Variants in PLD5 observed in about 807,000 individuals in gnomAD.
PLD5 encodes the protein phospholipase D family member 5.
PLD5 carries 36 observed loss-of-function variants against 61.1 expected under a neutral mutation model. The ratio of observed to expected loss-of-function variants is 0.59; its 90% confidence interval spans 0.45 to 0.78. PLD5 has a LOEUF of 0.78. Ranked by LOEUF, PLD5 falls within the 30% of genes least tolerant of loss-of-function variation. The probability of loss-of-function intolerance (pLI) is 0.00; values close to 1 mark genes in which losing one functional copy is unlikely to be tolerated. For missense variants in PLD5, 515 were observed against 644.4 expected (o/e 0.80, Z 2.17); for synonymous variants, 243 against 242.8 (o/e 1.00, Z -0.01).
intron 1 of PLD5, among the ~76,000 whole-genome samples, chr1:242,435,745 A>G (rs185343370): frequency 3.3e-5 from 5 of 152,354 alleles, no homozygotes; most frequent in Admixed American, 6.5e-5. Context: ...TTCAGTGATC[A>G]TAGTGACTTT....
At chr1:242,211,506 A>C (rs1008175093) in intron 5 of PLD5, among the ~76,000 whole-genome samples, 4 of 152,164 alleles carry the variant, frequency 2.6e-5, no homozygotes, top group African/African-American at 9.7e-5. Flanking sequence ...TTGTCAATTA[A>C]ATCTGTACTA....
At chr1:242,240,887 G>A (rs1272900099) in intron 4 of PLD5, among the ~76,000 whole-genome samples, 1 of 152,078 alleles carries the variant, frequency 6.6e-6, no homozygotes, top group East Asian at 1.9e-4. Flanking sequence ...ACTCTATAAA[G>A]TTCTAGCTCA....
chr1:242,241,137 C>T (rs557317307), intron 4 of PLD5, among the ~76,000 whole-genome samples: 1 of 152,206 alleles, frequency 6.6e-6, no homozygotes, highest in East Asian at 1.9e-4. Flanking sequence ...TTGTACTAAA[C>T]CGTTCTACAG....
intron 5 of PLD5, among the ~76,000 whole-genome samples, chr1:242,143,470 A>G (rs2636256): frequency 0.6 from 91,238 of 152,128 alleles, 28,148 homozygotes; most frequent in African/African-American, 0.74. Flanking sequence ...ATATGAAATC[A>G]CCTCATGGAA....
chr1:242,176,853 T>C (rs1348511860), intron 5 of PLD5, among the ~76,000 whole-genome samples: 1 of 152,168 alleles, frequency 6.6e-6, no homozygotes, highest in Non-Finnish European at 1.5e-5. Context: ...ATCAAATAAA[T>C]GCAAATCAAA....
Position 242,360,606 on chromosome 1 carries a change from C to T in PLD5, c.190-12364G>A, listed in dbSNP as rs537037213. ...TATATTCCATCTGCCTATCTAACAACGATAAAATTGTATCATGCTGTAATT... is the reference window on the plus strand; with the variant it reads ...TATATTCCATCTGCCTATCTAACAATGATAAAATTGTATCATGCTGTAATT... On this transcript the variant is annotated intron_variant, in intron 1 of 9. Transcript: ENST00000536534. Among the ~76,000 whole-genome samples the T allele has an allele frequency of 2.2e-4, 34 of 152,132 alleles. No individual in the cohort carries two copies. The East Asian group carries it at 5.2e-3, about 23-fold the overall frequency.
chr1:242,201,371 C>T (rs1668978230), intron 5 of PLD5, among the ~76,000 whole-genome samples: 1 of 151,918 alleles, frequency 6.6e-6, no homozygotes, highest in Admixed American at 6.5e-5. Flanking sequence ...CAATTTTTTC[C>T]AATTAAAAAT....
intron 1 of PLD5, among the ~76,000 whole-genome samples, chr1:242,455,178 G>A (rs1182523974): frequency 6.6e-6 from 1 of 152,132 alleles, no homozygotes; most frequent in Non-Finnish European, 1.5e-5. Flanking sequence ...TGACTGTTAT[G>A]TTTATTCTCT....
chr1:242,404,576 C>T (rs781062717), intron 1 of PLD5, among the ~76,000 whole-genome samples: 34 of 152,270 alleles, frequency 2.2e-4, no homozygotes, highest in Admixed American at 1.5e-3. Context: ...CTCTTCCAAA[C>T]GTGACTTCTC....
chr1:242,168,846 G>GCTTTTTTTT (rs1666518232), intron 5 of PLD5, among the ~76,000 whole-genome samples: 1 of 111,266 alleles, frequency 9.0e-6, no homozygotes, highest in African/African-American at 3.7e-5. Context: ...AATTAATGAA[G>GCTTTTTTTT]TTTTTTTTTT....
intron 4 of PLD5, among the ~76,000 whole-genome samples, chr1:242,265,000 A>T (rs1043836101): frequency 2.6e-5 from 4 of 152,198 alleles, no homozygotes; most frequent in African/African-American, 9.6e-5. Flanking sequence ...TGAAAAGTAG[A>T]GATCCAGTGT....
At chr1:242,268,843 TTTTTAA>T (rs1673874444) in intron 3 of PLD5, among the ~76,000 whole-genome samples, 1 of 152,206 alleles carries the variant, frequency 6.6e-6, no homozygotes, top group Admixed American at 6.5e-5. Context: ...TCACTCATTT[TTTTTAA>T]TTTTAACTTT....
intron 5 of PLD5, among the ~76,000 whole-genome samples, chr1:242,158,942 T>C (rs919429980): frequency 2.6e-5 from 4 of 152,216 alleles, no homozygotes; most frequent in Non-Finnish European, 2.9e-5. Context: ...CTTTCTCATA[T>C]GTTTTAAATC....
At chr1:242,420,322 A>G (rs1665069366) in intron 1 of PLD5, among the ~76,000 whole-genome samples, 1 of 152,138 alleles carries the variant, frequency 6.6e-6, no homozygotes, top group Non-Finnish European at 1.5e-5. Context: ...CCTCGCCCTC[A>G]ATCAACATGT....
intron 4 of PLD5, among the ~76,000 whole-genome samples, chr1:242,228,277 C>T (rs1671080200): frequency 6.6e-6 from 1 of 152,140 alleles, no homozygotes; most frequent in Non-Finnish European, 1.5e-5. Context: ...CTGTCTCCCT[C>T]GTAAAGAGGA....
At chr1:242,278,876 T>C (rs1270109123) in intron 3 of PLD5, among the ~76,000 whole-genome samples, 1 of 152,232 alleles carries the variant, frequency 6.6e-6, no homozygotes, top group Non-Finnish European at 1.5e-5. Context: ...GAGTGTTGAT[T>C]CTGTGGAGCA....
In PLD5 at chr1:242,083,316, A is replaced by G. The variant is rs1659333698; in HGVS notation, c.*6538T>C. 1 of 152,208 alleles carries G rather than the reference A, an allele frequency of 6.6e-6. No homozygotes were observed. The highest frequency in any genetic ancestry group is 1.5e-5 in the Non-Finnish European group (1 of 68,066). 9.4% of individuals were successfully genotyped at this position (152,208 alleles called of 1,614,324 possible). A position where few individuals can be genotyped will look rare whatever the true frequency, so the allele number is the denominator to read the frequency against. ...AAACAAGAATACCACTGCTAGGTAC[A>G]CTTTCATTCCTTAGGCCGCCCTCTG... On this transcript the variant is annotated 3_prime_UTR_variant, in exon 10 of 10. Transcript: ENST00000536534.
At chr1:242,302,832 C>T (rs1676140729) in intron 2 of PLD5, among the ~76,000 whole-genome samples, 1 of 152,024 alleles carries the variant, frequency 6.6e-6, no homozygotes, top group African/African-American at 2.4e-5. Context: ...TTTTCTTCTT[C>T]TTAATCTGCC....
At chr1:242,284,447 T>C (rs1348672612) in intron 3 of PLD5, among the ~76,000 whole-genome samples, 1 of 152,128 alleles carries the variant, frequency 6.6e-6, no homozygotes, top group African/African-American at 2.4e-5. Context: ...AATTAATCTT[T>C]AAGTGCCCAA....
Sources: allele counts gnomAD v4.1 joint callset (sites outside exome capture counted in the v4.1 genomes callset), GRCh38; gene constraint gnomAD v4.1.1; transcripts MANE v1.5; gene names NCBI Gene and HGNC (gene_info 2026-07-23, HGNC 2026-07-21).